The following PHLPP1 variants were observed in gnomAD, a reference collection of about 807,000 sequenced individuals.
PHLPP1 encodes PH domain leucine-rich repeat-containing protein phosphatase 1.
A neutral mutation model predicts 117.2 loss-of-function variants in PHLPP1; 42 were observed. The observed-to-expected ratio is 0.36, with a 90% CI of 0.28 to 0.46. The LOEUF (loss-of-function observed/expected upper bound fraction) is 0.46, where lower values mean the gene tolerates loss of function less well. Ranked by LOEUF, PHLPP1 falls within the 20% of genes least tolerant of loss-of-function variation. PHLPP1 has a pLI of 1.00. For synonymous variants in PHLPP1, 1,042 were observed against 970.7 expected, an observed-to-expected ratio of 1.07 and a Z score of -1.37; for missense variants, 2,084 against 2,241.9, an observed-to-expected ratio of 0.93 and a Z score of 1.42.
intron 1 of PHLPP1, among the ~76,000 whole-genome samples, chr18:62,813,705 C>T (rs1455014870): frequency 2.0e-5 from 3 of 152,152 alleles, no homozygotes; most frequent in Non-Finnish European, 2.9e-5. Context: ...ATGAGAAACT[C>T]TTGAGTGGCA....
chr18:62,900,544 C>T (rs534113949), intron 6 of PHLPP1, among the ~76,000 whole-genome samples: 28 of 143,746 alleles, frequency 1.9e-4, no homozygotes, highest in African/African-American at 6.2e-4. Flanking sequence ...CAGTTCACTG[C>T]AGCCTCAAAC....
chr18:62,751,186 A>G (rs1008501229), intron 1 of PHLPP1, among the ~76,000 whole-genome samples: 1 of 152,338 alleles, frequency 6.6e-6, no homozygotes, highest in East Asian at 1.9e-4. Context: ...TCATAAGCCT[A>G]GTTGGCAGAA....
chr18:62,903,235 G>A, intron 7 of PHLPP1, 69 bp downstream of exon 7: 2 of 1,046,030 alleles, frequency 1.9e-6, no homozygotes, highest in Non-Finnish European at 2.9e-6. Flanking sequence ...CATTATTTCT[G>A]CTTCTGATTA....
intron 8 of PHLPP1, among the ~76,000 whole-genome samples, chr18:62,913,247 C>G (rs2144416510): frequency 6.6e-6 from 1 of 151,806 alleles, no homozygotes; most frequent in South Asian, 2.1e-4. Flanking sequence ...GTTGTTTTTA[C>G]TAAAGAATAC....
chr18:62,949,878 C>T (rs918300700), intron 12 of PHLPP1, among the ~76,000 whole-genome samples: 1 of 152,170 alleles, frequency 6.6e-6, no homozygotes, highest in African/African-American at 2.4e-5. Context: ...GCACTTGTTT[C>T]TCCTTCCACT....
intron 11 of PHLPP1, among the ~76,000 whole-genome samples, 161 bp from the exon 12 acceptor site, chr18:62,944,948 G>A (rs1480187711): frequency 6.6e-6 from 1 of 152,150 alleles, no homozygotes; most frequent in Non-Finnish European, 1.5e-5. Flanking sequence ...GAAAGGAGGT[G>A]TTAAAATATT....
At chr18:62,849,826 A>ATATATATATATAT (rs1371664083) in intron 3 of PHLPP1, among the ~76,000 whole-genome samples, 9 of 33,796 alleles carry the variant, frequency 2.7e-4, no homozygotes, top group Non-Finnish European at 2.0e-4. Flanking sequence ...AAAAAAAAAA[A>ATATATATATATAT]AAAAAAATAT....
intron 1 of PHLPP1, among the ~76,000 whole-genome samples, chr18:62,811,197 C>G (rs1323984987): frequency 6.6e-6 from 1 of 152,136 alleles, no homozygotes; most frequent in Non-Finnish European, 1.5e-5. Context: ...TTTAGAGCTG[C>G]TGGCTAGAAA....
At chr18:62,824,305 GAA>G (rs981453906) in intron 1 of PHLPP1, 47 of 317,154 alleles carry the variant, frequency 1.5e-4, no homozygotes, top group East Asian at 2.8e-4. Context: ...CATCAAAATA[GAA>G]AAAAAAAAAG....
At chr18:62,746,162 CAGCCTCCTGAGT>C (rs1333042036) in intron 1 of PHLPP1, among the ~76,000 whole-genome samples, 4 of 152,154 alleles carry the variant, frequency 2.6e-5, no homozygotes, top group African/African-American at 9.7e-5. Flanking sequence ...TCCTGCCTCT[CAGCCTCCTGAGT>C]AGCTGAGACT....
chr18:62,905,200 TG>T (rs758836214), intron 7 of PHLPP1, 23 bp from the exon 8 acceptor site: 84 of 1,437,096 alleles, frequency 5.8e-5, no homozygotes, highest in East Asian at 2.4e-4. Context: ...AATGTCTTTG[TG>T]GGGTTTTTTT....
At chr18:62,871,802 G>C (rs944749672) in intron 4 of PHLPP1, among the ~76,000 whole-genome samples, 1 of 151,692 alleles carries the variant, frequency 6.6e-6, no homozygotes, top group Non-Finnish European at 1.5e-5. Context: ...GCGCCACCAC[G>C]CCCAGCAAAT....
chr18:62,885,688 CTTTATA>C (rs1169369988), intron 4 of PHLPP1, among the ~76,000 whole-genome samples: 2 of 150,904 alleles, frequency 1.3e-5, no homozygotes, highest in East Asian at 3.9e-4. Context: ...AACAAAAAAA[CTTTATA>C]TTTACCTAAT....
At chr18:62,741,052 C>G (rs963653128) in intron 1 of PHLPP1, among the ~76,000 whole-genome samples, 1 of 152,066 alleles carries the variant, frequency 6.6e-6, no homozygotes, top group Non-Finnish European at 1.5e-5. Context: ...TTTATATTCC[C>G]GTAGCAAAGT....
chr18:62,879,556 C>T (rs184968368), intron 4 of PHLPP1, among the ~76,000 whole-genome samples: 319 of 152,068 alleles, frequency 2.1e-3, no homozygotes, highest in African/African-American at 6.6e-3. Flanking sequence ...GGATTACAGG[C>T]GTGTGCCACC....
chr18:62,720,898 A>G (rs1280496952), intron 1 of PHLPP1, among the ~76,000 whole-genome samples: 1 of 152,162 alleles, frequency 6.6e-6, no homozygotes, highest in Admixed American at 6.5e-5. Context: ...AGTGTTAAGG[A>G]GGAGTCAGTG....
intron 1 of PHLPP1, among the ~76,000 whole-genome samples, chr18:62,758,288 A>C (rs1912094278): frequency 6.6e-6 from 1 of 152,218 alleles, no homozygotes; most frequent in African/African-American, 2.4e-5. Context: ...AGCTTTTAAA[A>C]AGACAAAATG....
rs989390847 is a variant in PHLPP1, at chr18:62,892,703, C to T, written c.2067-2308C>T. ...CATCCTGGCCAACATGGTGAAACCCCGTCTCTAATAAAAATACAAAAAATT... is the reference window on the plus strand; with the variant it reads ...CATCCTGGCCAACATGGTGAAACCCTGTCTCTAATAAAAATACAAAAAATT... On this transcript the variant is annotated intron_variant, in intron 4 of 16. Transcript: ENST00000262719. Among the ~76,000 whole-genome samples the T allele has an allele frequency of 2.6e-5, 4 of 151,426 alleles. No individual in the cohort carries two copies. The South Asian group carries it at 6.3e-4, about 24-fold the overall frequency.
At chr18:62,842,969 T>C (rs778673290) in intron 3 of PHLPP1, 1 of 152,156 alleles carries the variant, frequency 6.6e-6, no homozygotes, top group South Asian at 2.1e-4. Context: ...CTCGCTCCAT[T>C]TGGGAATATA....
Sources: allele counts gnomAD v4.1 joint callset (sites outside exome capture counted in the v4.1 genomes callset), GRCh38; gene constraint gnomAD v4.1.1; transcripts MANE v1.5; gene names NCBI Gene and HGNC (gene_info 2026-07-23, HGNC 2026-07-21).